Variants in ME3 observed in about 807,000 individuals in gnomAD.
The protein encoded by ME3 is NADP-dependent malic enzyme, mitochondrial.
In ME3, 48 loss-of-function variants were observed where a neutral mutation model predicts 68.9. The ratio of observed to expected loss-of-function variants is 0.70; its 90% CI spans 0.55 to 0.89. ME3 has a LOEUF of 0.89. Ranked by LOEUF, ME3 falls within the 40% of genes least tolerant of loss-of-function variation. The pLI, the probability that ME3 is intolerant of heterozygous loss-of-function variation, is 0.00. For synonymous variants in ME3, 320 were observed against 318.8 expected (o/e 1.00, Z -0.04); for missense variants, 675 against 797.4 (o/e 0.85, Z 1.85).
At chr11:86,661,896 G>A (rs1946308866) in intron 2 of ME3, among the ~76,000 whole-genome samples, 1 of 151,758 alleles carries the variant, frequency 6.6e-6, no homozygotes, top group Non-Finnish European at 1.5e-5. Context: ...TGACCACGGT[G>A]TCTCCACTGC....
intron 4 of ME3, among the ~76,000 whole-genome samples, chr11:86,525,326 A>G (rs537758907): frequency 1.2e-4 from 18 of 152,180 alleles, no homozygotes; most frequent in Non-Finnish European, 2.4e-4. Context: ...TCTAACAGAA[A>G]CTTTTGATGT....
chr11:86,637,592 C>T (rs952561374), intron 2 of ME3, among the ~76,000 whole-genome samples: 1 of 152,146 alleles, frequency 6.6e-6, no homozygotes, highest in African/African-American at 2.4e-5. Context: ...GCACGCACAG[C>T]ACAGACTAGG....
At chr11:86,577,167 A>C (rs1594519996) in intron 2 of ME3, among the ~76,000 whole-genome samples, 1 of 152,122 alleles carries the variant, frequency 6.6e-6, no homozygotes, top group Non-Finnish European at 1.5e-5. Flanking sequence ...ATGACCCAAT[A>C]TCATTTAGAG....
chr11:86,522,367 T>TC (rs1369716827), intron 4 of ME3, among the ~76,000 whole-genome samples: 1 of 152,054 alleles, frequency 6.6e-6, no homozygotes, highest in African/African-American at 2.4e-5. Context: ...TTTTCTTTTT[T>TC]TTTTTTTTAC....
At chr11:86,649,488 A>G (rs889286612) in intron 2 of ME3, among the ~76,000 whole-genome samples, 1 of 152,242 alleles carries the variant, frequency 6.6e-6, no homozygotes, top group African/African-American at 2.4e-5. Context: ...AGAAAGAAAT[A>G]AAATATATTC....
intron 2 of ME3, among the ~76,000 whole-genome samples, chr11:86,650,780 C>G (rs1420539712): frequency 2.0e-5 from 3 of 152,174 alleles, no homozygotes; most frequent in African/African-American, 7.2e-5. Context: ...CGAGCGTGAG[C>G]TGCAGCAGGG....
intron 2 of ME3, among the ~76,000 whole-genome samples, chr11:86,650,256 T>C (rs187083704): frequency 6.6e-4 from 100 of 152,348 alleles, no homozygotes; most frequent in African/African-American, 2.2e-3. Flanking sequence ...GCTAGCCATA[T>C]GCAGAAAACT....
At chr11:86,457,652 A>T in intron 8 of ME3, 1 of 1,283,558 alleles carries the variant, frequency 7.8e-7, no homozygotes, top group Non-Finnish European at 1.0e-6. Context: ...GAAGCTACTT[A>T]GCTGTTTCGA....
In ME3 at chr11:86,555,214, C is replaced by A. The variant is rs183269477; in HGVS notation, c.467+1339G>T. 4.6e-5 allele frequency among the ~76,000 whole-genome samples: 7 copies of A among 152,278 alleles called. No homozygotes were observed. The East Asian group carries it at 1.4e-3, about 29-fold the overall frequency. On this transcript the variant is annotated intron_variant, in intron 4 of 14. Transcript: ENST00000543262. ...AATTTTGGAGCTGGGCTGTGACAGG[C>A]TTAGATATCTCAGACTGTTGGGCTT...
intron 2 of ME3, among the ~76,000 whole-genome samples, chr11:86,570,476 A>T (rs1263656484): frequency 6.6e-6 from 1 of 152,122 alleles, no homozygotes; most frequent in Non-Finnish European, 1.5e-5. Flanking sequence ...CCCTGCACTG[A>T]ACCCCAGCTT....
rs370349254 is a variant in ME3 at position 86,598,003 on chromosome 11, G to A, written c.184-38180C>T. On this transcript the variant is annotated intron_variant, in intron 2 of 14. Coordinates refer to ENST00000543262, the Ensembl canonical transcript of ME3. ...CGAATAGGAACAGTTCTGGTCTACA[G>A]CTCCCAGCATGAGCCATGCAGAAGA... 3.0e-4 allele frequency among the ~76,000 whole-genome samples: 45 copies of A among 152,250 alleles called. 1 individual carries two copies. In the South Asian group the frequency reaches 9.3e-3, roughly 32 times the overall value.
chr11:86,613,177 T>C (rs1942715111), intron 2 of ME3, among the ~76,000 whole-genome samples: 1 of 152,214 alleles, frequency 6.6e-6, no homozygotes, highest in African/African-American at 2.4e-5. Flanking sequence ...CCTTTCCCCA[T>C]TGCTTATTTT....
At chr11:86,620,445 G>A (rs986953922) in intron 2 of ME3, among the ~76,000 whole-genome samples, 1 of 152,116 alleles carries the variant, frequency 6.6e-6, no homozygotes, top group Admixed American at 6.5e-5. Flanking sequence ...TCCTTTTAGG[G>A]TCTACTCTTT....
In ME3 at chr11:86,533,320, T is replaced by C. The variant is rs546803500; in HGVS notation, c.467+23233A>G. ...GAAATGAAAGAGAAGATATTACAGC[T>C]GATACTACAGAAATACAAAAGATCA... On this transcript the variant is annotated intron_variant, in intron 4 of 14. Transcript: ENST00000543262. Among the ~76,000 whole-genome samples, 15 of 152,170 alleles carry C rather than the reference T, an allele frequency of 9.9e-5. No individual in the cohort carries two copies. In the East Asian group the frequency reaches 2.9e-3, roughly 29 times the overall value.
At chr11:86,582,588 C>A (rs1292066724) in intron 2 of ME3, among the ~76,000 whole-genome samples, 1 of 152,074 alleles carries the variant, frequency 6.6e-6, no homozygotes, top group Non-Finnish European at 1.5e-5. Context: ...TGGATAAGTG[C>A]TGACTTATTA....
chr11:86,470,575 A>G (rs1047193357), intron 7 of ME3, among the ~76,000 whole-genome samples: 1 of 152,246 alleles, frequency 6.6e-6, no homozygotes, highest in Non-Finnish European at 1.5e-5. Context: ...AAAGCTCTGA[A>G]AAATCTTGCA....
chr11:86,437,827 C>T (rs1402666954), downstream of ME3, among the ~76,000 whole-genome samples: 1 of 150,480 alleles, frequency 6.6e-6, no homozygotes, highest in African/African-American at 2.4e-5. Context: ...TTATTAGTTC[C>T]AGTAGACAGA....
In ME3 at chr11:86,549,903, C is replaced by G. The variant is rs375703584; in HGVS notation, c.467+6650G>C. On this transcript the variant is annotated intron_variant, in intron 4 of 14. Coordinates refer to ENST00000543262, the Ensembl canonical transcript of ME3. ...GAGTTGGAGATGGAGGTTCTGTTATCTTATTATGACCTCAACCTTCAAGAG... is the reference window on the plus strand; with the variant it reads ...GAGTTGGAGATGGAGGTTCTGTTATGTTATTATGACCTCAACCTTCAAGAG... Among the ~76,000 whole-genome samples, 7 of 152,268 alleles carry G rather than the reference C, an allele frequency of 4.6e-5. No individual in the cohort carries two copies. The East Asian group carries it at 1.4e-3, about 29-fold the overall frequency.
chr11:86,489,617 G>A (rs1177988118), intron 6 of ME3, among the ~76,000 whole-genome samples: 1 of 152,156 alleles, frequency 6.6e-6, no homozygotes, highest in Non-Finnish European at 1.5e-5. Flanking sequence ...GACTGAGCAT[G>A]GAGGGGGTGT....
Sources: allele counts gnomAD v4.1 joint callset (sites outside exome capture counted in the v4.1 genomes callset), GRCh38; gene constraint gnomAD v4.1.1; transcripts MANE v1.5; gene names NCBI Gene and HGNC (gene_info 2026-07-23, HGNC 2026-07-21).